Variants in SEMA3C observed in about 807,000 individuals in gnomAD.
SEMA3C encodes the protein semaphorin 3C.
A neutral mutation model predicts 89.4 loss-of-function variants in SEMA3C; 47 were observed. That is an observed-to-expected ratio of 0.53 (90% CI 0.42 to 0.67). The LOEUF (loss-of-function observed/expected upper bound fraction) is 0.67. SEMA3C is among the 30% of genes least tolerant of loss of function. SEMA3C has a pLI of 0.00. For synonymous variants in SEMA3C, 310 were observed against 320.2 expected, an observed-to-expected ratio of 0.97 and a Z score of 0.34; for missense variants, 839 against 929.1, an observed-to-expected ratio of 0.90 and a Z score of 1.26.
At chr7:80,901,663 A>G (rs750415867) in intron 2 of SEMA3C, among the ~76,000 whole-genome samples, 2 of 152,210 alleles carry the variant, frequency 1.3e-5, no homozygotes, top group Non-Finnish European at 2.9e-5. Flanking sequence ...CTGTGACTAC[A>G]ATTTTAAAAA....
At chr7:80,913,185 G>A (rs1792192892) in intron 2 of SEMA3C, among the ~76,000 whole-genome samples, 1 of 152,162 alleles carries the variant, frequency 6.6e-6, no homozygotes, top group African/African-American at 2.4e-5. Flanking sequence ...CGGATCACCT[G>A]AAGTCAGGAG....
chr7:80,838,005 T>C (rs1428735339), intron 2 of SEMA3C, among the ~76,000 whole-genome samples: 1 of 152,174 alleles, frequency 6.6e-6, no homozygotes, highest in Non-Finnish European at 1.5e-5. Context: ...CATTTTTTTG[T>C]TTGCTATATT....
intron 12 of SEMA3C, among the ~76,000 whole-genome samples, chr7:80,781,462 A>T (rs549388113): frequency 6.6e-6 from 1 of 152,312 alleles, no homozygotes; most frequent in East Asian, 1.9e-4. Context: ...CGCATTCTAT[A>T]ATGAAACATT....
chr7:80,916,886 A>T, intron 1 of SEMA3C, 67 bp from the exon 2 acceptor site: 1 of 1,356,580 alleles, frequency 7.4e-7, no homozygotes, highest in South Asian at 1.3e-5. Context: ...AAAAACAGCA[A>T]TCTAGACAAA....
chr7:80,838,069 A>C (rs1386519220), intron 2 of SEMA3C, among the ~76,000 whole-genome samples: 1 of 152,204 alleles, frequency 6.6e-6, no homozygotes, highest in Non-Finnish European at 1.5e-5. Context: ...TAAACCAATC[A>C]AATGGAAAAA....
intron 2 of SEMA3C, among the ~76,000 whole-genome samples, chr7:80,846,271 G>A (rs918903435): frequency 6.6e-6 from 1 of 152,052 alleles, no homozygotes; most frequent in Admixed American, 6.6e-5. Context: ...TGTATTGTTT[G>A]GAAAACATCA....
At chr7:80,871,918 C>A (rs1318901539) in intron 2 of SEMA3C, among the ~76,000 whole-genome samples, 1 of 151,954 alleles carries the variant, frequency 6.6e-6, no homozygotes, top group Non-Finnish European at 1.5e-5. Context: ...CCATAAAATG[C>A]ATTACATAGT....
At chr7:80,892,968 G>T (rs1739117129) in intron 2 of SEMA3C, among the ~76,000 whole-genome samples, 2 of 152,152 alleles carry the variant, frequency 1.3e-5, no homozygotes, top group Admixed American at 6.6e-5. Flanking sequence ...GATAAAGATA[G>T]AAGCTAGGGA....
At position 80,820,054 on chromosome 7, in the gene SEMA3C, CT is replaced by C. The variant is rs768363975; in HGVS notation, c.328-1637del. 3.5e-3 allele frequency among the ~76,000 whole-genome samples: 439 copies of C among 124,066 alleles called. 2 individuals are homozygous for C. Among genetic ancestry groups the C allele is most frequent in the African/African-American group, 8.7e-3 (290 of 33,378 alleles). The allele number at this position is 124,066 out of a possible 152,430, so 81.4% of individuals were successfully genotyped here. On this transcript the variant is annotated intron_variant, in intron 4 of 17. Coordinates refer to ENST00000265361, the MANE Select transcript of SEMA3C (RefSeq NM_006379.5). ...CCCCTGCTAGGTACCATGTATGCTC[CT>C]TTTTTTTTTTTTTTTTTTTAGAGAC...
intron 2 of SEMA3C, chr7:80,905,980 A>T: frequency 1.0e-6 from 1 of 977,394 alleles, no homozygotes; most frequent in Admixed American, 2.5e-5. Flanking sequence ...GAATAATAAA[A>T]CCTCTTTGTA....
intron 2 of SEMA3C, among the ~76,000 whole-genome samples, chr7:80,898,139 C>G (rs1198473390): frequency 6.6e-6 from 1 of 151,826 alleles, no homozygotes; most frequent in African/African-American, 2.4e-5. Context: ...CTGAGGTGGG[C>G]AGATCACCTG....
At chr7:80,909,177 A>T (rs941935799) in intron 2 of SEMA3C, among the ~76,000 whole-genome samples, 1 of 152,188 alleles carries the variant, frequency 6.6e-6, no homozygotes, top group African/African-American at 2.4e-5. Context: ...GTCAAAATCT[A>T]TAAGGAAATA....
intron 5 of SEMA3C, among the ~76,000 whole-genome samples, chr7:80,815,332 T>C (rs1789575101): frequency 6.6e-6 from 1 of 152,004 alleles, no homozygotes; most frequent in Admixed American, 6.6e-5. Context: ...CACTGAGGAA[T>C]CTGCCATTAA....
chr7:80,866,680 G>A (rs932792528), intron 2 of SEMA3C, among the ~76,000 whole-genome samples: 3 of 152,078 alleles, frequency 2.0e-5, no homozygotes, highest in Admixed American at 1.3e-4. Flanking sequence ...GTAACTTGGT[G>A]TTGAGAGAGC....
intron 2 of SEMA3C, among the ~76,000 whole-genome samples, chr7:80,914,161 A>AT (rs1457765948): frequency 6.6e-6 from 1 of 152,170 alleles, no homozygotes; most frequent in Admixed American, 6.5e-5. Flanking sequence ...TCAGTTGCTG[A>AT]TTTTTTATTG....
intron 2 of SEMA3C, among the ~76,000 whole-genome samples, chr7:80,842,998 C>T (rs1043201874): frequency 6.6e-6 from 1 of 152,004 alleles, no homozygotes; most frequent in Non-Finnish European, 1.5e-5. Flanking sequence ...AGTACATTTC[C>T]AGTCCAAAAA....
chr7:80,867,710 T>C (rs1231825041), intron 2 of SEMA3C, among the ~76,000 whole-genome samples: 1 of 144,282 alleles, frequency 6.9e-6, no homozygotes, highest in Non-Finnish European at 1.5e-5. Context: ...TATCGATATG[T>C]ATAAATCATA....
At chr7:80,894,003 C>A (rs1406096953) in intron 2 of SEMA3C, among the ~76,000 whole-genome samples, 1 of 152,112 alleles carries the variant, frequency 6.6e-6, no homozygotes, top group East Asian at 1.9e-4. Flanking sequence ...TGAATTTTAA[C>A]CCTTGACACA....
intron 2 of SEMA3C, among the ~76,000 whole-genome samples, chr7:80,865,596 T>A (rs1790906936): frequency 6.6e-6 from 1 of 152,054 alleles, no homozygotes; most frequent in Non-Finnish European, 1.5e-5. Context: ...AAAAGCAGCC[T>A]GGCCAACATG....
Sources: gnomAD v4.1 joint callset for allele counts (sites outside exome capture counted in the v4.1 genomes callset) on GRCh38, gnomAD v4.1.1 for gene constraint, MANE v1.5 for transcripts, NCBI Gene and HGNC (gene_info 2026-07-23, HGNC 2026-07-21) for gene names.